The following LANCL3 variants were observed in gnomAD, a reference collection of about 807,000 sequenced individuals.
LANCL3 encodes lanC-like protein 3.
Under a neutral mutation model 26.5 loss-of-function variants are expected in LANCL3, and 19 were observed. The ratio of observed to expected loss-of-function variants is 0.72; its 90% confidence interval spans 0.50 to 1.05. The LOEUF is 1.05. Ranked by LOEUF, LANCL3 falls within the 50% of genes least tolerant of loss-of-function variation. The pLI is 0.00. For missense variants in LANCL3, 318 were observed against 362.7 expected, an observed-to-expected ratio of 0.88 and a Z score of 1.00; for synonymous variants, 160 against 166.6, an observed-to-expected ratio of 0.96 and a Z score of 0.30.
At chrX:37,578,969 G>A (rs1307149593) in intron 1 of LANCL3, among the ~76,000 whole-genome samples, 1 of 87,152 alleles carries the variant, frequency 1.1e-5, no homozygotes, top group South Asian at 6.5e-4. Flanking sequence ...GGCAGAGTGA[G>A]ACTCCATCTC....
intron 1 of LANCL3, among the ~76,000 whole-genome samples, chrX:37,584,951 T>C (rs1375684266): frequency 8.9e-6 from 1 of 112,055 alleles, no homozygotes; most frequent in Admixed American, 9.4e-5. Flanking sequence ...TAAATTTCCC[T>C]CTACACACTG....
chrX:37,605,860 T>C (rs571557380), intron 1 of LANCL3, among the ~76,000 whole-genome samples: 2 of 112,065 alleles, frequency 1.8e-5, no homozygotes, highest in East Asian at 5.6e-4. Flanking sequence ...TTTCTTTTTT[T>C]CTGAACACTG....
rs537072329 is a variant in LANCL3 at position 37,588,986 on chromosome X, G to T, written c.573+16543G>T. ...AAAAGCATCACCAATCTCAAAGCAAGCACTGTTGGTACCAGCTGAATCTCC... is the reference window on the plus strand; with the variant it reads ...AAAAGCATCACCAATCTCAAAGCAATCACTGTTGGTACCAGCTGAATCTCC... On this transcript the variant is annotated intron_variant, in intron 1 of 4. Transcript: ENST00000378619. 1.2e-4 allele frequency among the ~76,000 whole-genome samples: 13 copies of T among 111,669 alleles called. No homozygotes were observed. The South Asian group carries it at 3.5e-3, about 30-fold the overall frequency.
At chrX:37,617,694 C>T (rs1925046245) in intron 1 of LANCL3, among the ~76,000 whole-genome samples, 1 of 111,257 alleles carries the variant, frequency 9.0e-6, no homozygotes, top group Non-Finnish European at 1.9e-5. Flanking sequence ...GGAGCAAGTG[C>T]GTTTCAGTGG....
chrX:37,676,965 A>G lies in LANCL3; in HGVS notation c.*1152A>G, dbSNP rs1926824684. On this transcript the variant is annotated 3_prime_UTR_variant, in exon 5 of 5. Coordinates refer to ENST00000378619, the MANE Select transcript of LANCL3 (RefSeq NM_001170331.2). Reference sequence around the variant, plus strand: ...ACATAGAAGTTGTGAAACTGCTTCAAGTAAATAGTGGTTTGCAGAACACTG... The same window carrying G: ...ACATAGAAGTTGTGAAACTGCTTCAGGTAAATAGTGGTTTGCAGAACACTG... 8.9e-6 allele frequency: 1 copy of G among 112,075 alleles called. No individual in the cohort carries two copies. The highest frequency in any genetic ancestry group is 1.9e-5 in the Non-Finnish European group (1 of 53,174). 9.2% of individuals were successfully genotyped at this position (112,075 alleles called of 1,213,427 possible).
At chrX:37,612,981 C>G (rs1455276529) in intron 1 of LANCL3, among the ~76,000 whole-genome samples, 1 of 111,391 alleles carries the variant, frequency 9.0e-6, no homozygotes, top group African/African-American at 3.3e-5. Context: ...CTGTTTCTAT[C>G]AATTTTTCTG....
chrX:37,618,971 T>C (rs1925081237), intron 1 of LANCL3, among the ~76,000 whole-genome samples: 1 of 111,222 alleles, frequency 9.0e-6, no homozygotes, highest in Admixed American at 9.6e-5. Context: ...CCTTCTCCTC[T>C]CACTCTTAAT....
chrX:37,596,963 A>G (rs1456807729), intron 1 of LANCL3, among the ~76,000 whole-genome samples: 1 of 112,029 alleles, frequency 8.9e-6, no homozygotes, highest in Non-Finnish European at 1.9e-5. Context: ...TGAAGCCATT[A>G]ACAGTCACTC....
chrX:37,662,679 C>A (rs1926450511), intron 3 of LANCL3, among the ~76,000 whole-genome samples: 1 of 111,695 alleles, frequency 9.0e-6, no homozygotes, highest in Admixed American at 9.5e-5. Flanking sequence ...AGTAATAATT[C>A]TTTTTCCCAG....
At chrX:37,643,063 TA>T (rs1285055841) in intron 1 of LANCL3, among the ~76,000 whole-genome samples, 1 of 111,964 alleles carries the variant, frequency 8.9e-6, no homozygotes, top group African/African-American at 3.2e-5. Context: ...TGATGTGAAA[TA>T]GTCAACAAAG....
chrX:37,632,567 G>A (rs1451029365), intron 1 of LANCL3, among the ~76,000 whole-genome samples: 1 of 111,907 alleles, frequency 8.9e-6, no homozygotes, highest in East Asian at 2.8e-4. Flanking sequence ...TTTACAATTT[G>A]GCATGATTTT....
intron 1 of LANCL3, among the ~76,000 whole-genome samples, chrX:37,579,907 C>G (rs1235653286): frequency 9.0e-6 from 1 of 111,406 alleles, no homozygotes; most frequent in Non-Finnish European, 1.9e-5. Flanking sequence ...TTTGGGAGTG[C>G]CTGTGTTCTC....
At chrX:37,624,221 C>T (rs1925249483) in intron 1 of LANCL3, among the ~76,000 whole-genome samples, 2 of 111,863 alleles carry the variant, frequency 1.8e-5, no homozygotes, top group Admixed American at 9.5e-5. Context: ...CCCCACAAAT[C>T]GCCTGTGCTA....
At chrX:37,585,649 G>T (rs1361491187) in intron 1 of LANCL3, among the ~76,000 whole-genome samples, 73 of 111,225 alleles carry the variant, frequency 6.6e-4, no homozygotes, top group African/African-American at 2.3e-3. Context: ...CATTTGCTTG[G>T]TAGATCTCCC....
Position 37,676,633 on chromosome X carries a change from T to G in LANCL3, c.*820T>G, listed in dbSNP as rs912022615. ...TAGTAATTTTAAAAATGCCTTTATG[T>G]ACATAATCTTGATGGAGCTATTAGC... On this transcript the variant is annotated 3_prime_UTR_variant, in exon 5 of 5. Transcript: ENST00000378619. 2 of 111,902 alleles carry G rather than the reference T, an allele frequency of 1.8e-5. No homozygotes were observed. Among genetic ancestry groups the G allele is most frequent in the Non-Finnish European group, 3.8e-5 (2 of 53,156 alleles). The allele number at this position is 111,902 out of a possible 1,213,427, so 9.2% of individuals were successfully genotyped here.
At chrX:37,664,800 A>G (rs983379350) in intron 3 of LANCL3, among the ~76,000 whole-genome samples, 2 of 111,536 alleles carry the variant, frequency 1.8e-5, no homozygotes, top group African/African-American at 6.5e-5. Flanking sequence ...TCCCACTTAT[A>G]AGTGAGAACA....
rs1419127789 is a variant in LANCL3, at chrX:37,677,497, A to G, written c.*1684A>G. ...GTAGGACAAAATGATTTTGAAATGCATACATCTTTTCAGCTTCCTGTTTCA... is the reference window on the plus strand; with the variant it reads ...GTAGGACAAAATGATTTTGAAATGCGTACATCTTTTCAGCTTCCTGTTTCA... On this transcript the variant is annotated 3_prime_UTR_variant, in exon 5 of 5. Transcript: ENST00000378619. The G allele has an allele frequency of 1.8e-5, 2 of 112,201 alleles. No homozygotes were observed. Among genetic ancestry groups the G allele is most frequent in the Non-Finnish European group, 3.8e-5 (2 of 53,149 alleles). 9.2% of individuals were successfully genotyped at this position (112,201 alleles called of 1,213,427 possible). A position where few individuals can be genotyped will look rare whatever the true frequency, so the allele number is the denominator to read the frequency against.
At chrX:37,665,447 T>C (rs1056425178) in intron 3 of LANCL3, among the ~76,000 whole-genome samples, 2 of 112,213 alleles carry the variant, frequency 1.8e-5, no homozygotes, top group Admixed American at 9.5e-5. Context: ...GAAAAAGTGC[T>C]CCTTCCATTT....
At chrX:37,597,366 A>G (rs1556419579) in intron 1 of LANCL3, among the ~76,000 whole-genome samples, 2 of 111,982 alleles carry the variant, frequency 1.8e-5, no homozygotes, top group African/African-American at 6.5e-5. Context: ...TGTTGGGTAT[A>G]TAACTAGGAA....
Sources: gnomAD v4.1 joint callset for allele counts (sites outside exome capture counted in the v4.1 genomes callset) on GRCh38, gnomAD v4.1.1 for gene constraint, MANE v1.5 for transcripts, NCBI Gene and HGNC (gene_info 2026-07-23, HGNC 2026-07-21) for gene names.